IQCN: variants seen among roughly 807,000 people sequenced by gnomAD.
IQCN encodes IQ motif containing N.
In IQCN, 46 loss-of-function variants were observed where a neutral mutation model predicts 64.4. That is an observed-to-expected ratio of 0.71 (90% CI 0.56 to 0.91). The LOEUF is 0.91. IQCN is among the 40% of genes least tolerant of loss of function. IQCN has a pLI of 0.00. For missense variants in IQCN, 1,753 were observed against 1,857.4 expected, an observed-to-expected ratio of 0.94 and a Z score of 1.03; for synonymous variants, 733 against 775.6, an observed-to-expected ratio of 0.95 and a Z score of 0.91.
rs1351072806 is a variant in IQCN at position 18,267,142 on chromosome 19, A to T, written c.398T>A (p.Ile133Asn). The T allele has an allele frequency of 1.9e-6, 3 of 1,614,112 alleles. No homozygotes were observed. Among genetic ancestry groups the T allele is most frequent in the Non-Finnish European group, 1.7e-6 (2 of 1,180,052 alleles). The change falls in exon 3 of 4, where the codon ATC becomes AAC. Residue 133 changes from isoleucine (I) to asparagine (N), a missense_variant. By Grantham distance (149) the Ile-to-Asn change is moderately radical. Coordinates refer to ENST00000392413, the MANE Select transcript of IQCN (RefSeq NM_001145304.2). ...GTTGAAGCGCCGCCAGGCCTCCTGG[A>T]TGGCCTTGGCCGCCATCATCTGGGA... Reference protein sequence around the residue: ...LISQMMAAKAIQEAWRRFNKR... With the variant: ...LISQMMAAKANQEAWRRFNKR...
intron 2 of IQCN, among the ~76,000 whole-genome samples, 170 bp downstream of exon 2, chr19:18,269,296 G>A (rs573988449): frequency 1.3e-5 from 2 of 152,076 alleles, no homozygotes; most frequent in South Asian, 2.1e-4. Flanking sequence ...TGGAAAGAAG[G>A]AAGAAAAAGT....
intron 1 of IQCN, among the ~76,000 whole-genome samples, chr19:18,269,789 C>A (rs992996265): frequency 6.6e-6 from 1 of 151,606 alleles, no homozygotes; most frequent in African/African-American, 2.4e-5. Context: ...GGTTCTGCTA[C>A]AAATGAATAC....
intron 2 of IQCN, among the ~76,000 whole-genome samples, 179 bp downstream of exon 2, chr19:18,269,287 G>A (rs1266056123): frequency 6.6e-6 from 1 of 152,030 alleles, no homozygotes; most frequent in East Asian, 1.9e-4. Context: ...ATGGAAGGAT[G>A]GAAAGAAGGA....
In IQCN at chr19:18,264,055, C is replaced by T. The variant is rs1009870375; in HGVS notation, c.3177+308G>A. Among the ~76,000 whole-genome samples, 1 of 152,128 alleles carries T rather than the reference C, an allele frequency of 6.6e-6. No individual in the cohort carries two copies. Among genetic ancestry groups the T allele is most frequent in the Non-Finnish European group, 1.5e-5 (1 of 68,018 alleles). On this transcript the variant is annotated intron_variant, in intron 3 of 3. Coordinates refer to ENST00000392413, the MANE Select transcript of IQCN (RefSeq NM_001145304.2). This position sits in a 1 kb window ranked among gnomAD's most constrained non-coding sequence, Gnocchi z 4.3. ...CTCCCCTCGGGGTTAAAATCTGATG[C>T]CAATGTGCCAGGCTCCAGGGTCGGG...
rs1243500288 is a variant in IQCN, at chr19:18,267,417, G to C, written c.123C>G (p.Pro41=). ...CTTTCTCCATTTTGTCCAGGAGACT[G>C]GGGTGAGCGGGGGCTGGAGGATGCA... ...WAVHPPAPAH[P]SLLDKMEKAP... The change falls in exon 3 of 4, where the codon CCC becomes CCG. Residue 41 remains proline, a synonymous_variant. Transcript: ENST00000392413. The C allele has an allele frequency of 3.8e-6, 6 of 1,574,482 alleles. No homozygotes were observed. In the South Asian group the frequency reaches 7.2e-5, roughly 19 times the overall value.
intron 1 of IQCN, among the ~76,000 whole-genome samples, chr19:18,269,825 A>C (rs912941982): frequency 1.3e-5 from 2 of 152,136 alleles, no homozygotes; most frequent in Non-Finnish European, 2.9e-5. Context: ...GATGTTTAAC[A>C]CTGTATTGTT....
At chr19:18,268,828 G>C (rs1265870791) in intron 2 of IQCN, among the ~76,000 whole-genome samples, 1 of 151,982 alleles carries the variant, frequency 6.6e-6, no homozygotes, top group African/African-American at 2.4e-5. Flanking sequence ...TCGGCATGGT[G>C]GCTCGTGCCT....
chr19:18,260,290 G>C (rs971908876), intron 3 of IQCN: 9 of 152,480 alleles, frequency 5.9e-5, no homozygotes, highest in African/African-American at 1.9e-4. Flanking sequence ...CCAGTACCCA[G>C]GGATGGCTGG....
rs1385126110 is a variant in IQCN, at chr19:18,264,478, T to C, written c.3062A>G (p.Lys1021Arg). The C allele has an allele frequency of 6.4e-7, 1 of 1,551,428 alleles. No homozygotes were observed. Residue 1021 changes from lysine (K) to arginine (R), a missense_variant, in exon 3 of 4, where the codon AAA (lysine) becomes AGA (arginine). Physicochemically the swap from Lys to Arg is conservative, Grantham distance 26 (BLOSUM62 2). Transcript: ENST00000392413. The surrounding 1 kb of genome is among the most constrained non-coding windows in gnomAD (Gnocchi z 4.3). The part of the protein sequence containing the change: ...TGTILPKAAS[K>R]STGSGVTKTP... ...CTTAGTCACCCCGCTTCCTGTTGATTTCGAGGCGGCCTTGGGGAGGATGGT... is the reference window on the plus strand; with the variant it reads ...CTTAGTCACCCCGCTTCCTGTTGATCTCGAGGCGGCCTTGGGGAGGATGGT...
At position 18,266,715 on chromosome 19, in the gene IQCN, C is replaced by T. The variant is rs114859258; in HGVS notation, c.825G>A (p.Glu275=). The change falls in exon 3 of 4, where the codon GAG becomes GAA. Residue 275 remains glutamate, a synonymous_variant. Coordinates refer to ENST00000392413, the MANE Select transcript of IQCN (RefSeq NM_001145304.2). This position sits in a 1 kb window ranked among gnomAD's most constrained non-coding sequence, Gnocchi z 4.3. The stretch of plus-strand genomic sequence containing the variant: ...CACGTTTGGTCTTCACTGAGTCACC[C>T]TCTATGTGGACGAGGCAGGTGCTTC... ...TIRSTCLVHI[E]GDSVKTKRVS... 6.2e-6 allele frequency: 10 copies of T among 1,614,158 alleles called. No homozygotes were observed. The highest frequency in any genetic ancestry group is 7.6e-6 in the Non-Finnish European group (9 of 1,180,032).
At position 18,266,556 on chromosome 19, in the gene IQCN, C is replaced by A; in HGVS notation, c.984G>T (p.Gln328His). ...VKAETPKAPFQICPGPMITKT... is the reference protein window; with the variant it reads ...VKAETPKAPFHICPGPMITKT... ...TGGTGATCATGGGCCCTGGACATAT[C>A]TGGAAGGGGGCTTTGGGGGTCTCTG... The change falls in exon 3 of 4, where the codon CAG becomes CAT. Residue 328 changes from glutamine (Q) to histidine (H), a missense_variant. Coordinates refer to ENST00000392413, the MANE Select transcript of IQCN (RefSeq NM_001145304.2). This position sits in a 1 kb window ranked among gnomAD's most constrained non-coding sequence, Gnocchi z 4.3. The A allele has an allele frequency of 6.2e-7, 1 of 1,613,092 alleles. No individual in the cohort carries two copies. Among genetic ancestry groups the A allele is most frequent in the South Asian group, 1.1e-5 (1 of 90,970 alleles).
chr19:18,266,201 C>A lies in IQCN; in HGVS notation c.1339G>T (p.Gly447Trp). The A allele has an allele frequency of 6.2e-7, 1 of 1,613,844 alleles. No homozygotes were observed. The highest frequency in any genetic ancestry group is 8.5e-7 in the Non-Finnish European group (1 of 1,179,952). The change falls in exon 3 of 4, where the codon GGG becomes TGG. Residue 447 changes from glycine (G) to tryptophan (W), a missense_variant. Coordinates refer to ENST00000392413, the MANE Select transcript of IQCN (RefSeq NM_001145304.2). This position sits in a 1 kb window ranked among gnomAD's most constrained non-coding sequence, Gnocchi z 4.3. ...GGTGGGGTCTTTGCCATCGCAGGCC[C>A]CGGGCATACCTGGGGCAGGCTCTTC... is the stretch of plus-strand genomic sequence containing the variant. ...IMKSLPQVCP[G>W]PAMAKTPPQM...
In IQCN at chr19:18,264,247, CA is replaced by C; in HGVS notation, c.3177+115del. Reference sequence around the variant, plus strand: ...ATCACCGAGGCTCCCACAGTGACCACAGATAAGCAGGGTGACCCCCACAAGA... The same window carrying C: ...ATCACCGAGGCTCCCACAGTGACCACGATAAGCAGGGTGACCCCCACAAGA... On this transcript the variant is annotated intron_variant, in intron 3 of 3. Coordinates refer to ENST00000392413, the MANE Select transcript of IQCN (RefSeq NM_001145304.2). This position sits in a 1 kb window ranked among gnomAD's most constrained non-coding sequence, Gnocchi z 4.3. 1 of 912,094 alleles carries C rather than the reference CA, an allele frequency of 1.1e-6. No individual in the cohort carries two copies. Among genetic ancestry groups the C allele is most frequent in the Admixed American group, 2.9e-5 (1 of 34,146 alleles). The allele number at this position is 912,094 out of a possible 1,614,324, so 56.5% of individuals were successfully genotyped here.
intron 1 of IQCN, among the ~76,000 whole-genome samples, chr19:18,271,151 G>A (rs1219347533): frequency 4.3e-5 from 6 of 141,166 alleles, no homozygotes; most frequent in East Asian, 2.1e-4. Flanking sequence ...CAGCCTGGGC[G>A]ACAGAGTGAG....
rs1466159813 is a variant in IQCN, at chr19:18,263,788, C to T, written c.3177+575G>A. 4.6e-5 allele frequency among the ~76,000 whole-genome samples: 7 copies of T among 152,120 alleles called. No homozygotes were observed. The East Asian group carries it at 1.3e-3, about 29-fold the overall frequency. On this transcript the variant is annotated intron_variant, in intron 3 of 3. Transcript: ENST00000392413. ...CCACAGGTGAGGTAAGGCTGGTGAA[C>T]ATGGGCAGCCCTCCCACCACCCACG...
rs551967198 is a variant in IQCN at position 18,264,214 on chromosome 19, C to T, written c.3177+149G>A. ...GGACCCTGGTGAATGCTGGTGATGA[C>T]GCTACCCATCACCGAGGCTCCCACA... On this transcript the variant is annotated intron_variant, in intron 3 of 3. Coordinates refer to ENST00000392413, the MANE Select transcript of IQCN (RefSeq NM_001145304.2). The surrounding 1 kb of genome is among the most constrained non-coding windows in gnomAD (Gnocchi z 4.3). The T allele has an allele frequency of 1.5e-4, 102 of 662,088 alleles. 1 individual carries two copies. In the South Asian group the frequency reaches 1.8e-3, roughly 11 times the overall value. The allele number at this position is 662,088 out of a possible 1,614,324, so 41.0% of individuals were successfully genotyped here. A position where few individuals can be genotyped will look rare whatever the true frequency, so the allele number is the denominator to read the frequency against.
Position 18,264,309 on chromosome 19 carries a change from G to C in IQCN, c.3177+54C>G. The C allele has an allele frequency of 1.4e-6, 2 of 1,392,056 alleles. No homozygotes were observed. Among genetic ancestry groups the C allele is most frequent in the Non-Finnish European group, 1.9e-6 (2 of 1,057,894 alleles). 86.2% of individuals were successfully genotyped at this position (1,392,056 alleles called of 1,614,324 possible). A position where few individuals can be genotyped will look rare whatever the true frequency, so the allele number is the denominator to read the frequency against. Reference sequence around the variant, plus strand: ...AATCCCCCATCTCCTCCAAGGGCCCGGCAGGTTGGCCCATGGTGAAACAAC... The same window carrying C: ...AATCCCCCATCTCCTCCAAGGGCCCCGCAGGTTGGCCCATGGTGAAACAAC... On this transcript the variant is annotated intron_variant, in intron 3 of 3. Transcript: ENST00000392413. The surrounding 1 kb of genome is among the most constrained non-coding windows in gnomAD (Gnocchi z 4.3).
At position 18,258,099 on chromosome 19, in the gene IQCN, G is replaced by T. The variant is rs61740684; in HGVS notation, c.3185C>A (p.Ala1062Glu). The change falls in exon 4 of 4, where the codon GCG becomes GAG. Residue 1062 changes from alanine (A) to glutamate (E), a missense_variant. By Grantham distance (107) the Ala-to-Glu change is moderately radical (BLOSUM62 -1). Coordinates refer to ENST00000392413, the MANE Select transcript of IQCN (RefSeq NM_001145304.2). ...TTGGCCACCAACCACACCAGCGTCC[G>T]CGGGGCCCTGGAGTATAGTGGAGTT... ...PVRPQTSKGPADAGVVGGQSW... is the reference protein window; with the variant it reads ...PVRPQTSKGPEDAGVVGGQSW... 1 of 1,609,680 alleles carries T rather than the reference G, an allele frequency of 6.2e-7. No individual in the cohort carries two copies.
chr19:18,270,048 T>C (rs1406420278), intron 1 of IQCN, among the ~76,000 whole-genome samples: 1 of 73,294 alleles, frequency 1.4e-5, no homozygotes, highest in African/African-American at 8.6e-5. Context: ...AAGAACTGTC[T>C]CTTAAAAAAA....
Sources: gnomAD v4.1 joint callset for allele counts (sites outside exome capture counted in the v4.1 genomes callset) on GRCh38, gnomAD v4.1.1 for gene constraint, Gnocchi (gnomAD v3.1) non-coding constraint, MANE v1.5 for transcripts, NCBI Gene and HGNC (gene_info 2026-07-23, HGNC 2026-07-21) for gene names.